GPC6: variants seen among roughly 807,000 people sequenced by gnomAD.
GPC6 encodes glypican 6, also known as glypican-6.
In GPC6, 14 loss-of-function variants were observed where a neutral mutation model predicts 55.2. The observed-to-expected ratio is 0.25, with a 90% CI of 0.17 to 0.40. The LOEUF is 0.40. Ranked by LOEUF, GPC6 falls within the 10% of genes least tolerant of loss-of-function variation. GPC6 has a pLI of 1.00. For synonymous variants in GPC6, 278 were observed against 259.6 expected (o/e 1.07, Z -0.68); for missense variants, 641 against 708.5 (o/e 0.90, Z 1.08).
intron 1 of GPC6, among the ~76,000 whole-genome samples, chr13:93,496,668 A>C (rs190994531): frequency 2.6e-5 from 4 of 152,238 alleles, no homozygotes; most frequent in African/African-American, 9.6e-5. Flanking sequence ...CTTTGGAGCC[A>C]GATTGTCTGG....
intron 1 of GPC6, among the ~76,000 whole-genome samples, chr13:93,357,665 C>A (rs1407387431): frequency 6.6e-6 from 1 of 151,126 alleles, no homozygotes; most frequent in African/African-American, 2.4e-5. Context: ...ATGACAAAGA[C>A]CCCATCTTTA....
chr13:94,206,503 T>C (rs992796694), intron 4 of GPC6, among the ~76,000 whole-genome samples: 1 of 152,172 alleles, frequency 6.6e-6, no homozygotes, highest in African/African-American at 2.4e-5. Flanking sequence ...TTTGACACGT[T>C]GAGGCCTTGC....
At chr13:93,756,961 G>T (rs1351362332) in intron 2 of GPC6, among the ~76,000 whole-genome samples, 1 of 152,160 alleles carries the variant, frequency 6.6e-6, no homozygotes, top group Admixed American at 6.6e-5. Flanking sequence ...AATAGAGCTT[G>T]TGAAAATATA....
intron 6 of GPC6, among the ~76,000 whole-genome samples, chr13:94,344,173 G>GA (rs1402380447): frequency 2.0e-5 from 3 of 152,104 alleles, no homozygotes; most frequent in Non-Finnish European, 4.4e-5. Context: ...GAGGCAAAAA[G>GA]AAAAAAATCA....
intron 2 of GPC6, among the ~76,000 whole-genome samples, chr13:93,545,662 G>T (rs1391909399): frequency 6.6e-6 from 1 of 151,886 alleles, no homozygotes; most frequent in African/African-American, 2.4e-5. Context: ...TTGCCTGTGA[G>T]ATTTATTGTA....
intron 4 of GPC6, among the ~76,000 whole-genome samples, chr13:94,249,709 C>A (rs931939888): frequency 6.6e-6 from 1 of 152,108 alleles, no homozygotes; most frequent in African/African-American, 2.4e-5. Context: ...CAATACAGGT[C>A]CCCTGGAGTG....
At chr13:93,793,293 G>T (rs1344061744) in intron 2 of GPC6, among the ~76,000 whole-genome samples, 1 of 152,164 alleles carries the variant, frequency 6.6e-6, no homozygotes, top group African/African-American at 2.4e-5. Context: ...AATAGTCACT[G>T]AAATCCGGTT....
intron 4 of GPC6, among the ~76,000 whole-genome samples, chr13:94,243,079 A>T (rs1891101238): frequency 6.6e-6 from 1 of 152,114 alleles, no homozygotes. Flanking sequence ...GCTATTAATG[A>T]TGGAATGACA....
At position 93,986,044 on chromosome 13, in the gene GPC6, A is replaced by AGATC. The variant is rs537156925; in HGVS notation, c.712-41684_712-41681dup. On this transcript the variant is annotated intron_variant, in intron 3 of 8. Transcript: ENST00000377047. ...ATATTTTTTGTTACCGGATAGACACAGATCCTCATAGGGTAAAGACATGAA... is the reference window on the plus strand; with the variant it reads ...ATATTTTTTGTTACCGGATAGACACAGATCGATCCTCATAGGGTAAAGACATGAA... 1.8e-3 allele frequency among the ~76,000 whole-genome samples: 269 copies of AGATC among 152,248 alleles called. 2 individuals are homozygous for AGATC. Among genetic ancestry groups the AGATC allele is most frequent in the African/African-American group, 6.2e-3 (259 of 41,562 alleles).
Position 94,083,543 on chromosome 13 carries a change from T to G in GPC6, c.877+55649T>G, listed in dbSNP as rs141463735. Among the ~76,000 whole-genome samples the G allele has an allele frequency of 2.4e-3, 371 of 152,346 alleles. 4 individuals carry two copies. The highest frequency in any genetic ancestry group is 2.9e-4 in the Non-Finnish European group (20 of 68,032). On this transcript the variant is annotated intron_variant, in intron 4 of 8. Coordinates refer to ENST00000377047, the MANE Select transcript of GPC6 (RefSeq NM_005708.5). ...AGGTCAGGCACTTTGTCTTTATCAC[T>G]GCTATAGCCCTGGAGACCAGAGGAG...
chr13:93,224,014 C>T (rs1195346968), upstream of GPC6, among the ~76,000 whole-genome samples: 2 of 149,974 alleles, frequency 1.3e-5, no homozygotes, highest in Non-Finnish European at 1.5e-5. Context: ...ATTCTCCTGC[C>T]TCAGCCTCCT....
chr13:94,328,107 C>T lies in GPC6; in HGVS notation c.1152+21984C>T, dbSNP rs534241126. ...TTCCTCTGCACATTAGACCAGCATT[C>T]GGAATATGTGGGACTCGGATCATTT... On this transcript the variant is annotated intron_variant, in intron 6 of 8. Coordinates refer to ENST00000377047, the MANE Select transcript of GPC6 (RefSeq NM_005708.5). Among the ~76,000 whole-genome samples the T allele has an allele frequency of 5.9e-5, 9 of 152,198 alleles. No homozygotes were observed. The South Asian group carries it at 1.0e-3, about 18-fold the overall frequency.
intron 3 of GPC6, among the ~76,000 whole-genome samples, chr13:93,877,794 G>A (rs542224424): frequency 1.3e-5 from 2 of 152,072 alleles, no homozygotes; most frequent in South Asian, 2.1e-4. Context: ...GATAATAAAC[G>A]CCCTTTCTTT....
intron 2 of GPC6, among the ~76,000 whole-genome samples, chr13:93,813,724 T>C (rs943016377): frequency 9.9e-5 from 15 of 151,928 alleles, no homozygotes; most frequent in African/African-American, 3.4e-4. Flanking sequence ...TAAATAACTT[T>C]TTACAATTTA....
intron 1 of GPC6, among the ~76,000 whole-genome samples, chr13:93,388,995 C>T (rs1442640911): frequency 6.6e-6 from 1 of 152,002 alleles, no homozygotes; most frequent in Non-Finnish European, 1.5e-5. Flanking sequence ...TATAGGACAC[C>T]ACTGAGCCCT....
At chr13:94,140,183 A>C (rs571410589) in intron 4 of GPC6, among the ~76,000 whole-genome samples, 6 of 152,306 alleles carry the variant, frequency 3.9e-5, no homozygotes, top group Admixed American at 3.9e-4. Context: ...AGTGCAGTAC[A>C]AACCTTTGAG....
chr13:94,350,879 GGTGAGA>G (rs1878506050), intron 6 of GPC6, among the ~76,000 whole-genome samples: 1 of 152,144 alleles, frequency 6.6e-6, no homozygotes, highest in African/African-American at 2.4e-5. Flanking sequence ...AACATGAGGG[GGTGAGA>G]GGGAAAGAGA....
At position 94,021,260 on chromosome 13, in the gene GPC6, G is replaced by GTATATATA. The variant is rs57597417; in HGVS notation, c.712-6456_712-6449dup. 8.8e-4 allele frequency among the ~76,000 whole-genome samples: 129 copies of GTATATATA among 146,272 alleles called. 1 individual carries two copies. The highest frequency in any genetic ancestry group is 8.0e-3 in the South Asian group (37 of 4,616). ...TCTGCTAGGTGTATGTTCATTGTGTGTATATATATATATATATATACTTTT... is the reference window on the plus strand; with the variant it reads ...TCTGCTAGGTGTATGTTCATTGTGTGTATATATATATATATATATATATATATACTTTT... On this transcript the variant is annotated intron_variant, in intron 3 of 8. Coordinates refer to ENST00000377047, the MANE Select transcript of GPC6 (RefSeq NM_005708.5).
At chr13:93,944,987 CA>C (rs1878934551) in intron 3 of GPC6, among the ~76,000 whole-genome samples, 1 of 152,034 alleles carries the variant, frequency 6.6e-6, no homozygotes, top group South Asian at 2.1e-4. Flanking sequence ...AGAGAAGAAC[CA>C]AGACTAATGT....
Sources: allele counts gnomAD v4.1 joint callset (sites outside exome capture counted in the v4.1 genomes callset), GRCh38; gene constraint gnomAD v4.1.1; transcripts MANE v1.5; gene names NCBI Gene and HGNC (gene_info 2026-07-23, HGNC 2026-07-21).